The following ZNF541 variants were observed in gnomAD, a reference collection of about 807,000 sequenced individuals.
ZNF541 encodes zinc finger protein 541.
In ZNF541, 23 loss-of-function variants were observed where a neutral mutation model predicts 123.5. The observed-to-expected ratio is 0.19, with a 90% CI of 0.13 to 0.26. The LOEUF (loss-of-function observed/expected upper bound fraction) is 0.26, where lower values mean the gene tolerates loss of function less well. Among genes scored for constraint, ZNF541 ranks in the 10% least tolerant of loss-of-function variants. The pLI, the probability that ZNF541 is intolerant of heterozygous loss-of-function variation, is 1.00. For missense variants in ZNF541, 1,612 were observed against 1,789.9 expected, an observed-to-expected ratio of 0.90 and a Z score of 1.79; for synonymous variants, 751 against 754.5, an observed-to-expected ratio of 1.00 and a Z score of 0.08.
At chr19:47,538,060 C>A in intron 9 of ZNF541, 82 bp downstream of exon 9, 6 of 1,476,138 alleles carry the variant, frequency 4.1e-6, no homozygotes, top group Non-Finnish European at 5.5e-6. Flanking sequence ...AATCACTGAA[C>A]CCAATGCTAC....
At chr19:47,562,141 C>A (rs539803715) in intron 2 of ZNF541, among the ~76,000 whole-genome samples, 2 of 152,080 alleles carry the variant, frequency 1.3e-5, no homozygotes, top group Non-Finnish European at 2.9e-5. Context: ...CCCAGCTACA[C>A]GGGAGGCTGA....
rs755247019 is a variant in ZNF541, at chr19:47,544,595, C to T, written c.1934G>A (p.Arg645Gln). Residue 645 changes from arginine (R) to glutamine (Q), a missense_variant, in exon 5 of 17, where the codon CGA (arginine) becomes CAA (glutamine). Physicochemically the swap from Arg to Gln is conservative, Grantham distance 43 (BLOSUM62 1). Around this residue, in one of 5 missense-constraint regions of ZNF541, gnomAD observed 1,080 missense variants for 1,013.8 expected, o/e 1.07. Coordinates refer to ENST00000391901, the MANE Select transcript of ZNF541 (RefSeq NM_001277075.3). ...CACTTTCAGTCCCCCCTTTGCGTCTCGTCTCGTGCTGCCGGGGGAGGCCTC... is the reference window on the plus strand; with the variant it reads ...CACTTTCAGTCCCCCCTTTGCGTCTTGTCTCGTGCTGCCGGGGGAGGCCTC... Reference protein sequence around the residue: ...PREASPGSTRRDAKGGLKVAA... With the variant: ...PREASPGSTRQDAKGGLKVAA... 3.5e-4 allele frequency: 543 copies of T among 1,550,768 alleles called. No homozygotes were observed. The highest frequency in any genetic ancestry group is 4.7e-4 in the Non-Finnish European group (534 of 1,146,840).
At position 47,544,827 on chromosome 19, in the gene ZNF541, A is replaced by C; in HGVS notation, c.1702T>G (p.Phe568Val). The stretch of plus-strand genomic sequence containing the variant: ...ACTGCTGCCACCTGGGCATGGGAGA[A>C]GATCCGCTGGGACTTGGTGATCATC... ...FQMITKSQRI[F>V]SHAQVAAVSS... Residue 568 changes from phenylalanine (F) to valine (V), a missense_variant, in exon 5 of 17, where the codon TTC becomes GTC. By Grantham distance (50) the Phe-to-Val change is conservative. Coordinates refer to ENST00000391901, the MANE Select transcript of ZNF541 (RefSeq NM_001277075.3). 1 of 1,534,204 alleles carries C rather than the reference A, an allele frequency of 6.5e-7. No individual in the cohort carries two copies. The highest frequency in any genetic ancestry group is 8.7e-7 in the Non-Finnish European group (1 of 1,145,588).
At position 47,521,573 on chromosome 19, in the gene ZNF541, G is replaced by A. The variant is rs1379204935; in HGVS notation, c.3793C>T (p.Leu1265Phe). 3.2e-6 allele frequency: 5 copies of A among 1,551,622 alleles called. No individual in the cohort carries two copies. The highest frequency in any genetic ancestry group is 3.9e-5 in the Admixed American group (2 of 50,980). ...GAGCCTGCATTTGGGCTGGAGCTGA[G>A]GATGGACTCCCTCCTATAACTCTTG... ...KTKSYRRESI[L>F]SSSPNAGSKR... Residue 1265 changes from leucine to phenylalanine, a missense_variant, in exon 16 of 17, where the codon CTC becomes TTC. Coordinates refer to ENST00000391901, the MANE Select transcript of ZNF541 (RefSeq NM_001277075.3). The surrounding 1 kb of genome is among the most constrained non-coding windows in gnomAD (Gnocchi z 4.2).
At chr19:47,530,903 G>A (rs781247144) in intron 12 of ZNF541, among the ~76,000 whole-genome samples, 1 of 151,922 alleles carries the variant, frequency 6.6e-6, no homozygotes, top group Non-Finnish European at 1.5e-5. Context: ...CACCCGTCTC[G>A]GCCTCCCAAA....
chr19:47,555,477 GA>G, intron 3 of ZNF541, 72 bp downstream of exon 3: 1 of 1,424,586 alleles, frequency 7.0e-7, no homozygotes, highest in South Asian at 1.5e-5. Flanking sequence ...AATCCATGCA[GA>G]ATCAGTCCCT....
chr19:47,551,260 G>A (rs10406944), intron 3 of ZNF541, among the ~76,000 whole-genome samples: 5,817 of 151,676 alleles, frequency 0.038, 353 homozygotes, highest in African/African-American at 0.13. Flanking sequence ...GGCTGGTCTC[G>A]AACTTCTGGC....
At chr19:47,555,144 C>A (rs931557980) in intron 3 of ZNF541, among the ~76,000 whole-genome samples, 1 of 148,692 alleles carries the variant, frequency 6.7e-6, no homozygotes, top group African/African-American at 2.5e-5. Flanking sequence ...CTGAGGCGGG[C>A]GGATCATGAG....
Position 47,521,855 on chromosome 19 carries a change from T to C in ZNF541, c.3710A>G (p.Lys1237Arg). ...EPEEVERTEE[K>R]VPCSPRERPS... Reference sequence around the variant, plus strand: ...CCGACACAGCCCTGGTTCCTCTACCTTTTCCTCTGTCCTTTCCACTTCCTC... The same window carrying C: ...CCGACACAGCCCTGGTTCCTCTACCCTTTCCTCTGTCCTTTCCACTTCCTC... Residue 1237 changes from lysine (K) to arginine (R), a missense_variant and splice_region_variant, in exon 15 of 17, where the codon AAG becomes AGG. Coordinates refer to ENST00000391901, the MANE Select transcript of ZNF541 (RefSeq NM_001277075.3). This position sits in a 1 kb window ranked among gnomAD's most constrained non-coding sequence, Gnocchi z 4.2. The C allele has an allele frequency of 1.3e-6, 2 of 1,551,350 alleles. No homozygotes were observed. The highest frequency in any genetic ancestry group is 1.7e-6 in the Non-Finnish European group (2 of 1,146,816).
intron 7 of ZNF541, 26 bp downstream of exon 7, chr19:47,540,150 C>A: frequency 6.5e-7 from 1 of 1,541,722 alleles, no homozygotes. Flanking sequence ...CCAGTAACCA[C>A]CAAGCCACTG....
chr19:47,556,959 T>G (rs749685352), intron 2 of ZNF541, among the ~76,000 whole-genome samples: 4 of 151,980 alleles, frequency 2.6e-5, no homozygotes, highest in Non-Finnish European at 4.4e-5. Context: ...GGTTTCACCA[T>G]GTTTCCCAGG....
chr19:47,533,001 G>C, intron 9 of ZNF541, 29 bp from the exon 10 acceptor site: 1 of 1,541,010 alleles, frequency 6.5e-7, no homozygotes, highest in Non-Finnish European at 8.8e-7. Flanking sequence ...AAAGGCTCAA[G>C]AAGACAGACA....
intron 2 of ZNF541, among the ~76,000 whole-genome samples, chr19:47,560,547 G>A (rs1406376867): frequency 2.8e-5 from 4 of 142,770 alleles, no homozygotes; most frequent in Non-Finnish European, 6.0e-5. Context: ...CTGCACTCCA[G>A]CCTAGGAGAC....
chr19:47,566,163 T>A (rs1489572291), intron 2 of ZNF541, among the ~76,000 whole-genome samples: 1 of 150,432 alleles, frequency 6.6e-6, no homozygotes, highest in East Asian at 2.0e-4. Flanking sequence ...GGTGACAGAG[T>A]GAGACTCCAT....
chr19:47,545,211 G>A lies in ZNF541; in HGVS notation c.1318C>T (p.Pro440Ser), dbSNP rs762829205. The A allele has an allele frequency of 7.8e-6, 12 of 1,533,020 alleles. No individual in the cohort carries two copies. Among genetic ancestry groups the A allele is most frequent in the Middle Eastern group, 1.7e-4 (1 of 5,922 alleles). 95.0% of individuals were successfully genotyped at this position (1,533,020 alleles called of 1,614,324 possible). A position where few individuals can be genotyped will look rare whatever the true frequency, so the allele number is the denominator to read the frequency against. ...CCAGACTCGGAGCCCTCCCGCGAGG[G>A]CACGGCCGAGGGCTTGTGGACAACA... ...VFVVHKPSAV[P>S]SREGSESGPG... is the part of the protein sequence containing the mutation. Residue 440 changes from proline (P) to serine (S), a missense_variant, in exon 5 of 17, where the codon CCC (proline) becomes TCC (serine). Physicochemically the swap from Pro to Ser is moderately conservative, Grantham distance 74. Transcript: ENST00000391901. This position sits in a 1 kb window ranked among gnomAD's most constrained non-coding sequence, Gnocchi z 7.5.
At chr19:47,531,956 G>A (rs1236921559) in intron 11 of ZNF541, among the ~76,000 whole-genome samples, 172 bp downstream of exon 11, 1 of 152,214 alleles carries the variant, frequency 6.6e-6, no homozygotes, top group Non-Finnish European at 1.5e-5. Flanking sequence ...AGGTAGGGGA[G>A]GGAGAGTGCA....
chr19:47,531,999 C>G lies in ZNF541; in HGVS notation c.3301+129G>C, dbSNP rs555060979. 8.5e-6 allele frequency: 11 copies of G among 1,290,358 alleles called. 1 individual carries two copies. In the South Asian group the frequency reaches 1.4e-4, roughly 16 times the overall value. 79.9% of individuals were successfully genotyped at this position (1,290,358 alleles called of 1,614,324 possible). The stretch of plus-strand genomic sequence containing the variant: ...AGAAGCAACGCTGGCCAAGAGCCAG[C>G]TCCCTCCCACGCCCAGGGGACACTA... On this transcript the variant is annotated intron_variant, in intron 11 of 16. Coordinates refer to ENST00000391901, the MANE Select transcript of ZNF541 (RefSeq NM_001277075.3).
In ZNF541 at chr19:47,544,314, G is replaced by C. The variant is rs1274817554; in HGVS notation, c.2215C>G (p.Arg739Gly). The change falls in exon 5 of 17, where the codon CGG becomes GGG. Residue 739 changes from arginine to glycine, a missense_variant. Physicochemically the swap from Arg to Gly is moderately radical, Grantham distance 125 (BLOSUM62 -2). This residue lies in a region of ZNF541 where 1,080 missense variants were observed against 1,013.8 expected (regional missense o/e 1.07). Transcript: ENST00000391901. The part of the protein sequence containing the change: ...TKGEKGPACS[R>G]GGGYRLLGNP... ...CCCAAGAGCCGGTAGCCTCCACCCC[G>C]GGAGCAGGCTGGGCCCTTTTCACCT... 2 of 1,551,496 alleles carry C rather than the reference G, an allele frequency of 1.3e-6. No homozygotes were observed. The highest frequency in any genetic ancestry group is 1.7e-6 in the Non-Finnish European group (2 of 1,147,002).
In ZNF541 at chr19:47,529,668, C is replaced by A. The variant is rs756189427; in HGVS notation, c.3406-16G>T. On this transcript the variant is annotated splice_polypyrimidine_tract_variant and intron_variant, in intron 12 of 16. Transcript: ENST00000391901. ...CCAGGGCGACCTGGAACAAGAGGAG[C>A]GACAGGCTGCCCAGGACCAGGTGGG... 1 of 1,551,052 alleles carries A rather than the reference C, an allele frequency of 6.4e-7. No individual in the cohort carries two copies. The highest frequency in any genetic ancestry group is 1.2e-5 in the South Asian group (1 of 84,022).
Sources: allele counts gnomAD v4.1 joint callset (sites outside exome capture counted in the v4.1 genomes callset), GRCh38; gene constraint gnomAD v4.1.1; regional missense constraint gnomAD v4.1.1; non-coding constraint Gnocchi (gnomAD v3.1); transcripts MANE v1.5; gene names NCBI Gene and HGNC (gene_info 2026-07-23, HGNC 2026-07-21).